TTLL11: variants seen among roughly 807,000 people sequenced by gnomAD.
The protein encoded by TTLL11 is tubulin polyglutamylase TTLL11.
In TTLL11, 42 loss-of-function variants were observed where a neutral mutation model predicts 51.7. That is an observed-to-expected ratio of 0.81 (90% confidence interval 0.64 to 1.05). The LOEUF (loss-of-function observed/expected upper bound fraction) is 1.05, where lower values mean the gene tolerates loss of function less well. Among genes scored for constraint, TTLL11 ranks in the 50% least tolerant of loss-of-function variants. The pLI, the probability that TTLL11 is intolerant of heterozygous loss-of-function variation, is 0.00. For missense variants in TTLL11, 799 were observed against 940.4 expected (o/e 0.85, Z 1.97); for synonymous variants, 381 against 383.5 (o/e 0.99, Z 0.08).
intron 6 of TTLL11, among the ~76,000 whole-genome samples, chr9:121,933,194 A>C (rs921368857): frequency 6.6e-6 from 1 of 152,168 alleles, no homozygotes; most frequent in Non-Finnish European, 1.5e-5. Context: ...AAGGTAGAGA[A>C]CATGTATGAA....
At chr9:121,924,663 C>T (rs73555615) in intron 6 of TTLL11, among the ~76,000 whole-genome samples, 7,438 of 150,388 alleles carry the variant, frequency 0.049, 463 homozygotes, top group African/African-American at 0.15. Context: ...AATGAAAAGG[C>T]AGGGGTCACA....
At chr9:121,829,143 G>C (rs1588053077) in intron 8 of TTLL11, among the ~76,000 whole-genome samples, 1 of 151,856 alleles carries the variant, frequency 6.6e-6, no homozygotes, top group East Asian at 1.9e-4. Flanking sequence ...TAGTAGAGAT[G>C]GGGTTTCACC....
intron 1 of TTLL11, among the ~76,000 whole-genome samples, chr9:122,081,899 G>T (rs1846011725): frequency 6.6e-6 from 1 of 151,952 alleles, no homozygotes; most frequent in African/African-American, 2.4e-5. Context: ...AAGATAAAAT[G>T]AACAAAAAAT....
chr9:122,050,162 C>T (rs545486774), intron 1 of TTLL11, among the ~76,000 whole-genome samples: 2 of 152,210 alleles, frequency 1.3e-5, no homozygotes, highest in Non-Finnish European at 1.5e-5. Context: ...ACCTGTCCAC[C>T]TCCCAGGGCT....
intron 6 of TTLL11, among the ~76,000 whole-genome samples, chr9:121,966,395 CTA>C (rs1226113116): frequency 6.6e-6 from 1 of 152,118 alleles, no homozygotes; most frequent in Non-Finnish European, 1.5e-5. Flanking sequence ...TCCTGAATGG[CTA>C]TGATTCTTGA....
chr9:121,897,230 G>A (rs552625402), intron 6 of TTLL11, among the ~76,000 whole-genome samples: 4 of 152,216 alleles, frequency 2.6e-5, no homozygotes, highest in Admixed American at 6.5e-5. Flanking sequence ...TTTCCACAGC[G>A]GATATCCACT....
At chr9:122,053,981 A>G (rs991119613) in intron 1 of TTLL11, among the ~76,000 whole-genome samples, 1 of 152,194 alleles carries the variant, frequency 6.6e-6, no homozygotes, top group Admixed American at 6.5e-5. Flanking sequence ...ATATAGCAAG[A>G]GGATAAGTAA....
intron 8 of TTLL11, among the ~76,000 whole-genome samples, chr9:121,834,070 T>C (rs983304447): frequency 6.6e-6 from 1 of 152,228 alleles, no homozygotes. Flanking sequence ...CTGAATGATC[T>C]TGACTAGAAT....
Position 122,036,014 on chromosome 9 carries a change from A to G in TTLL11, c.559+3258T>C, listed in dbSNP as rs1306869646. Among the ~76,000 whole-genome samples the G allele has an allele frequency of 7.2e-5, 11 of 152,152 alleles. No homozygotes were observed. In the East Asian group the frequency reaches 1.9e-3, roughly 27 times the overall value. On this transcript the variant is annotated intron_variant, in intron 2 of 8. Transcript: ENST00000321582. ...CTTGTTTGGCATGGGGATCAGGCCC[A>G]TCCATCCTGGAGGCTCAGTTTCCAT...
intron 1 of TTLL11, among the ~76,000 whole-genome samples, chr9:122,039,760 T>C (rs1441538774): frequency 6.6e-6 from 1 of 151,518 alleles, no homozygotes; most frequent in Non-Finnish European, 1.5e-5. Flanking sequence ...AGGATTAGAG[T>C]CCAGGTCTAT....
chr9:122,008,517 C>G (rs1843713515), intron 3 of TTLL11, among the ~76,000 whole-genome samples: 1 of 152,170 alleles, frequency 6.6e-6, no homozygotes, highest in African/African-American at 2.4e-5. Context: ...AAATTAATAA[C>G]CCAATGAGCT....
chr9:121,947,615 C>T (rs1841714707), intron 6 of TTLL11, among the ~76,000 whole-genome samples: 1 of 151,982 alleles, frequency 6.6e-6, no homozygotes, highest in African/African-American at 2.4e-5. Context: ...AACAAGGTCC[C>T]TGGAAGTGCT....
intron 1 of TTLL11, among the ~76,000 whole-genome samples, chr9:122,088,839 CTA>C (rs1161095577): frequency 6.6e-6 from 1 of 151,912 alleles, no homozygotes. Context: ...AACCCCATCT[CTA>C]TTAAAAATAC....
intron 6 of TTLL11, among the ~76,000 whole-genome samples, chr9:121,906,804 G>T (rs903202702): frequency 1.3e-5 from 2 of 152,152 alleles, no homozygotes; most frequent in African/African-American, 2.4e-5. Context: ...ATAGATATTT[G>T]TGGTATACCT....
intron 7 of TTLL11, among the ~76,000 whole-genome samples, chr9:121,868,380 C>A (rs1838244658): frequency 6.6e-6 from 1 of 152,170 alleles, no homozygotes; most frequent in African/African-American, 2.4e-5. Flanking sequence ...TAGAATAATT[C>A]TATTTCCCAG....
intron 3 of TTLL11, among the ~76,000 whole-genome samples, chr9:121,998,143 G>A (rs761935589): frequency 1.3e-5 from 2 of 152,132 alleles, no homozygotes; most frequent in Non-Finnish European, 2.9e-5. Flanking sequence ...ACTTCCGAAT[G>A]TATACGACTG....
chr9:121,956,480 G>C (rs1196585163), intron 6 of TTLL11, among the ~76,000 whole-genome samples: 1 of 152,236 alleles, frequency 6.6e-6, no homozygotes, highest in African/African-American at 2.4e-5. Flanking sequence ...CCTACGAGTA[G>C]AGTTGTATTA....
At chr9:122,067,699 C>T (rs1845624749) in intron 1 of TTLL11, among the ~76,000 whole-genome samples, 1 of 152,142 alleles carries the variant, frequency 6.6e-6, no homozygotes, top group African/African-American at 2.4e-5. Flanking sequence ...GACAGGGTTT[C>T]ACCATGTTGG....
chr9:121,844,392 A>T (rs1837452806), intron 8 of TTLL11, among the ~76,000 whole-genome samples: 2 of 152,216 alleles, frequency 1.3e-5, no homozygotes, highest in South Asian at 4.1e-4. Context: ...TCCTAGAAAG[A>T]TAAATATAAA....
Sources: allele counts gnomAD v4.1 joint callset (sites outside exome capture counted in the v4.1 genomes callset), GRCh38; gene constraint gnomAD v4.1.1; transcripts MANE v1.5; gene names NCBI Gene and HGNC (gene_info 2026-07-23, HGNC 2026-07-21).